The following RNF214 variants were observed in gnomAD, a reference collection of about 807,000 sequenced individuals.
RNF214 encodes ring finger protein 214.
RNF214 carries 25 observed loss-of-function variants against 75.9 expected under a neutral mutation model. The observed-to-expected ratio is 0.33, with a 90% CI of 0.24 to 0.46. The LOEUF is 0.46. Among genes scored for constraint, RNF214 ranks in the 20% least tolerant of loss-of-function variants. The pLI, the probability that RNF214 is intolerant of heterozygous loss-of-function variation, is 1.00. For missense variants in RNF214, 725 were observed against 857.5 expected, an observed-to-expected ratio of 0.85 and a Z score of 1.93; for synonymous variants, 314 against 308.8, an observed-to-expected ratio of 1.02 and a Z score of -0.18.
chr11:117,282,350 G>T, intron 11 of RNF214, 54 bp from the exon 12 acceptor site: 1 of 1,600,152 alleles, frequency 6.2e-7, no homozygotes, highest in South Asian at 1.1e-5. Context: ...TTACATGGGT[G>T]TTCCCCGTGG....
intron 6 of RNF214, among the ~76,000 whole-genome samples, chr11:117,278,453 A>G (rs1302548876): frequency 6.6e-6 from 1 of 152,196 alleles, no homozygotes; most frequent in Non-Finnish European, 1.5e-5. Flanking sequence ...AAACTTTACC[A>G]CAATCAAATG....
At chr11:117,273,860 C>T (rs1039536243) in intron 6 of RNF214, among the ~76,000 whole-genome samples, 1 of 152,166 alleles carries the variant, frequency 6.6e-6, no homozygotes, top group Non-Finnish European at 1.5e-5. Context: ...GACCAACTGG[C>T]GTCAGTGGGG....
intron 14 of RNF214, among the ~76,000 whole-genome samples, chr11:117,284,116 CAATG>C (rs2034191460): frequency 6.6e-6 from 1 of 152,184 alleles, no homozygotes; most frequent in Admixed American, 6.5e-5. Context: ...GGAAAATTGA[CAATG>C]AGTGATAATC....
At chr11:117,252,696 A>G (rs554380785) in intron 6 of RNF214, among the ~76,000 whole-genome samples, 1 of 151,256 alleles carries the variant, frequency 6.6e-6, no homozygotes, top group South Asian at 2.1e-4. Context: ...CATTTTTTGT[A>G]TTTTTAGTAG....
intron 6 of RNF214, among the ~76,000 whole-genome samples, chr11:117,273,095 ATC>A (rs979435772): frequency 4.6e-4 from 70 of 152,196 alleles, no homozygotes; most frequent in Middle Eastern, 3.4e-3. Context: ...CATTTTGTAA[ATC>A]TCTTTCATGG....
At chr11:117,247,119 T>C (rs2033245062) in intron 6 of RNF214, among the ~76,000 whole-genome samples, 171 bp downstream of exon 6, 1 of 152,142 alleles carries the variant, frequency 6.6e-6, no homozygotes, top group Admixed American at 6.6e-5. Flanking sequence ...ACATTAGACT[T>C]AATAGAAAAA....
intron 6 of RNF214, among the ~76,000 whole-genome samples, chr11:117,252,745 C>T (rs1164177213): frequency 6.6e-6 from 1 of 152,014 alleles, no homozygotes; most frequent in African/African-American, 2.4e-5. Flanking sequence ...TGGTCTCGCT[C>T]TCCTGACCTC....
chr11:117,281,508 C>T (rs1486064223), intron 9 of RNF214, 92 bp from the exon 10 acceptor site: 2 of 1,385,754 alleles, frequency 1.4e-6, no homozygotes, highest in Non-Finnish European at 2.1e-6. Flanking sequence ...GCCTATCCTA[C>T]TATTCCTTTT....
At chr11:117,240,618 G>A (rs2033051598) in intron 4 of RNF214, among the ~76,000 whole-genome samples, 2 of 151,904 alleles carry the variant, frequency 1.3e-5, no homozygotes, top group African/African-American at 2.4e-5. Flanking sequence ...AACCCAGGAG[G>A]CAGAGGTTGC....
chr11:117,238,811 G>C lies in RNF214; in HGVS notation c.318G>C (p.Gln106His). 8 of 1,614,226 alleles carry C rather than the reference G, an allele frequency of 5.0e-6. No individual in the cohort carries two copies. The highest frequency in any genetic ancestry group is 6.8e-6 in the Non-Finnish European group (8 of 1,180,046). Reference sequence around the variant, plus strand: ...TTTGTCTTTCTGGCAGTGGGTCTCAGTCTGATTTGAAGGATGTGGCCAGCA... The same window carrying C: ...TTTGTCTTTCTGGCAGTGGGTCTCACTCTGATTTGAAGGATGTGGCCAGCA... ...TALCLSGSGS[Q>H]SDLKDVASTA... Residue 106 changes from glutamine (Q) to histidine (H), a missense_variant, in exon 3 of 15, where the codon CAG becomes CAC. Physicochemically the swap from Gln to His is conservative, Grantham distance 24. Coordinates refer to ENST00000300650, the MANE Select transcript of RNF214 (RefSeq NM_207343.4).
intron 6 of RNF214, among the ~76,000 whole-genome samples, chr11:117,254,188 G>A (rs993238347): frequency 2.6e-5 from 4 of 152,058 alleles, no homozygotes; most frequent in Admixed American, 2.6e-4. Context: ...GGTGGAGGTT[G>A]CAGTGAGCTG....
intron 6 of RNF214, among the ~76,000 whole-genome samples, chr11:117,273,240 T>C (rs918146106): frequency 6.6e-6 from 1 of 152,174 alleles, no homozygotes; most frequent in African/African-American, 2.4e-5. Context: ...TTAAAGATAA[T>C]TGTGGATATT....
intron 6 of RNF214, among the ~76,000 whole-genome samples, chr11:117,262,894 C>T (rs926317300): frequency 6.6e-6 from 1 of 152,134 alleles, no homozygotes; most frequent in Non-Finnish European, 1.5e-5. Context: ...ACTGCAGCTT[C>T]AACCCGGGTT....
chr11:117,270,115 C>T (rs1420423369), intron 6 of RNF214, among the ~76,000 whole-genome samples: 2 of 151,826 alleles, frequency 1.3e-5, no homozygotes, highest in Non-Finnish European at 2.9e-5. Flanking sequence ...AAGGAAATTC[C>T]AAAGATAATC....
At chr11:117,281,849 T>C (rs1221423034) in intron 10 of RNF214, 45 bp from the exon 11 acceptor site, 2 of 1,590,974 alleles carry the variant, frequency 1.3e-6, no homozygotes, top group East Asian at 2.2e-5. Flanking sequence ...CTAAACTTTC[T>C]TTTTCTTCCT....
At chr11:117,264,329 AAAAG>A (rs937400578) in intron 6 of RNF214, among the ~76,000 whole-genome samples, 1 of 152,172 alleles carries the variant, frequency 6.6e-6, no homozygotes, top group Non-Finnish European at 1.5e-5. Context: ...TCTCAAAAAA[AAAAG>A]AAAATTGTTT....
intron 2 of RNF214, among the ~76,000 whole-genome samples, chr11:117,237,708 G>C (rs1050267375): frequency 6.6e-6 from 1 of 152,172 alleles, no homozygotes; most frequent in African/African-American, 2.4e-5. Flanking sequence ...TTGAATGGCT[G>C]TGACAAGTGA....
intron 6 of RNF214, among the ~76,000 whole-genome samples, chr11:117,279,698 T>G (rs2034088863): frequency 6.6e-6 from 1 of 152,218 alleles, no homozygotes; most frequent in South Asian, 2.1e-4. Context: ...TAAACATTAT[T>G]TGTCTGTATC....
At position 117,238,825 on chromosome 11, in the gene RNF214, A is replaced by G. The variant is rs904449538; in HGVS notation, c.332A>G (p.Asp111Gly). The G allele has an allele frequency of 4.3e-6, 7 of 1,614,072 alleles. No homozygotes were observed. In the African/African-American group the frequency reaches 9.3e-5, roughly 22 times the overall value. ...AGTGGGTCTCAGTCTGATTTGAAGG[A>G]TGTGGCCAGCACAGCAGGAGAGGAG... ...SGSGSQSDLK[D>G]VASTAGEEGD... The change falls in exon 3 of 15, where the codon GAT becomes GGT. Residue 111 changes from aspartate (D) to glycine (G), a missense_variant. Physicochemically the swap from Asp to Gly is moderately conservative, Grantham distance 94. Around this residue, in one of 2 missense-constraint regions of RNF214, gnomAD observed 362 missense variants for 344.5 expected, o/e 1.05. Transcript: ENST00000300650.
Sources: gnomAD v4.1 joint callset for allele counts (sites outside exome capture counted in the v4.1 genomes callset) on GRCh38, gnomAD v4.1.1 for gene constraint, gnomAD v4.1.1 regional missense constraint, MANE v1.5 for transcripts, NCBI Gene and HGNC (gene_info 2026-07-23, HGNC 2026-07-21) for gene names.